TBC1D22A: variants seen among roughly 807,000 people sequenced by gnomAD.
TBC1D22A encodes TBC1 domain family member 22A.
TBC1D22A carries 38 observed loss-of-function variants against 60.2 expected under a neutral mutation model. The observed-to-expected ratio is 0.63, with a 90% CI of 0.49 to 0.83. The LOEUF (loss-of-function observed/expected upper bound fraction) is 0.83. TBC1D22A is among the 40% of genes least tolerant of loss of function. TBC1D22A has a pLI of 0.00. For missense variants in TBC1D22A, 628 were observed against 701.0 expected (o/e 0.90, Z 1.18); for synonymous variants, 302 against 281.7 (o/e 1.07, Z -0.72).
intron 11 of TBC1D22A, among the ~76,000 whole-genome samples, chr22:47,061,427 G>A (rs946327326): frequency 2.0e-5 from 3 of 151,992 alleles, no homozygotes; most frequent in Admixed American, 6.5e-5. Flanking sequence ...GTAGTCCCTC[G>A]AGAGGGGATG....
In TBC1D22A at chr22:47,055,906, G is replaced by A. The variant is rs142227109; in HGVS notation, c.1329+18708G>A. On this transcript the variant is annotated intron_variant, in intron 11 of 12. Transcript: ENST00000337137. ...ACGCCACTGAGGGTCGGTGAGATAC[G>A]CCACTGAGGGTTGGTGAGATACGCC... 4.0e-3 allele frequency among the ~76,000 whole-genome samples: 608 copies of A among 151,968 alleles called. 3 individuals carry two copies. Among genetic ancestry groups the A allele is most frequent in the Non-Finnish European group, 5.6e-3 (381 of 67,846 alleles).
intron 10 of TBC1D22A, among the ~76,000 whole-genome samples, chr22:47,015,655 G>A (rs1446263790): frequency 1.3e-5 from 2 of 152,174 alleles, no homozygotes; most frequent in Non-Finnish European, 1.5e-5. Flanking sequence ...GGCTGCTCCC[G>A]GACAGCAGCA....
At chr22:47,046,682 T>C (rs1425076268) in intron 11 of TBC1D22A, among the ~76,000 whole-genome samples, 1 of 152,196 alleles carries the variant, frequency 6.6e-6, no homozygotes, top group African/African-American at 2.4e-5. Flanking sequence ...CTGCCAGAGC[T>C]GCTGCTGTGA....
intron 11 of TBC1D22A, among the ~76,000 whole-genome samples, chr22:47,076,280 A>T (rs1432565568): frequency 6.6e-6 from 1 of 151,200 alleles, no homozygotes; most frequent in Non-Finnish European, 1.5e-5. Flanking sequence ...GGCCATAGCA[A>T]TTCTCAACAA....
intron 11 of TBC1D22A, among the ~76,000 whole-genome samples, chr22:47,050,277 TTACA>T (rs2063166249): frequency 6.6e-6 from 1 of 152,094 alleles, no homozygotes; most frequent in Non-Finnish European, 1.5e-5. Context: ...GGTGCTGGGA[TTACA>T]GACATGAGCC....
chr22:46,850,243 C>T (rs181810839), intron 4 of TBC1D22A, among the ~76,000 whole-genome samples: 2 of 152,228 alleles, frequency 1.3e-5, no homozygotes, highest in East Asian at 1.9e-4. Context: ...TGCTGTGTGC[C>T]GTGGGGTTGT....
At chr22:46,922,104 G>T (rs1284281264) in intron 8 of TBC1D22A, among the ~76,000 whole-genome samples, 1 of 152,126 alleles carries the variant, frequency 6.6e-6, no homozygotes, top group Non-Finnish European at 1.5e-5. Context: ...TCTGTGTATG[G>T]CTAACCAGTT....
chr22:46,883,837 C>T (rs2067973941), intron 5 of TBC1D22A, among the ~76,000 whole-genome samples: 1 of 152,232 alleles, frequency 6.6e-6, no homozygotes, highest in Non-Finnish European at 1.5e-5. Flanking sequence ...GGACACATTT[C>T]CCTGTGTCCT....
At chr22:47,065,509 T>TG (rs1323799517) in intron 11 of TBC1D22A, among the ~76,000 whole-genome samples, 1 of 93,840 alleles carries the variant, frequency 1.1e-5, no homozygotes, top group Non-Finnish European at 2.1e-5. Context: ...CTGCTTCTGT[T>TG]GGGGGGCAGG....
chr22:46,959,493 T>C (rs897661826), intron 8 of TBC1D22A, among the ~76,000 whole-genome samples: 2 of 152,202 alleles, frequency 1.3e-5, no homozygotes, highest in African/African-American at 4.8e-5. Flanking sequence ...GCTGTGACTT[T>C]TGTGGTCCCT....
intron 1 of TBC1D22A, among the ~76,000 whole-genome samples, chr22:46,771,772 T>C (rs140139407): frequency 2.9e-3 from 446 of 152,112 alleles, no homozygotes; most frequent in Non-Finnish European, 4.1e-3. Context: ...TTTTTGTATT[T>C]TTAGTAGAGA....
intron 12 of TBC1D22A, among the ~76,000 whole-genome samples, chr22:47,149,304 C>T (rs1380280833): frequency 6.6e-6 from 1 of 152,248 alleles, no homozygotes; most frequent in African/African-American, 2.4e-5. Context: ...TGCTCCGTGG[C>T]ATCCTGTGCG....
intron 5 of TBC1D22A, among the ~76,000 whole-genome samples, chr22:46,880,982 G>A (rs921461617): frequency 5.9e-5 from 9 of 152,156 alleles, no homozygotes; most frequent in African/African-American, 1.4e-4. Flanking sequence ...GGCATCTTAC[G>A]TGGCATCTCA....
At chr22:47,065,290 C>T (rs922566491) in intron 11 of TBC1D22A, among the ~76,000 whole-genome samples, 3 of 152,230 alleles carry the variant, frequency 2.0e-5, no homozygotes, top group African/African-American at 7.2e-5. Context: ...CCACCATGCC[C>T]GGCCTAAGGC....
intron 4 of TBC1D22A, among the ~76,000 whole-genome samples, chr22:46,876,302 C>T (rs769379702): frequency 5.3e-5 from 8 of 152,164 alleles, no homozygotes; most frequent in East Asian, 3.8e-4. Flanking sequence ...ACTTCATATC[C>T]GCACAAAAAG....
At chr22:46,856,022 A>T (rs2087550111) in intron 4 of TBC1D22A, among the ~76,000 whole-genome samples, 1 of 152,196 alleles carries the variant, frequency 6.6e-6, no homozygotes, top group Admixed American at 6.5e-5. Context: ...CACAGAAGGA[A>T]AGTGGACAGA....
intron 8 of TBC1D22A, among the ~76,000 whole-genome samples, chr22:46,945,364 G>A (rs757795287): frequency 1.3e-5 from 2 of 152,182 alleles, no homozygotes; most frequent in East Asian, 3.8e-4. Context: ...TGGTGGAGGC[G>A]GCAGCTGACG....
chr22:47,063,515 G>T (rs2063652433), intron 11 of TBC1D22A, among the ~76,000 whole-genome samples: 1 of 152,148 alleles, frequency 6.6e-6, no homozygotes, highest in Admixed American at 6.5e-5. Context: ...ACAAGGCCTG[G>T]GTACTACCAG....
chr22:46,913,239 G>A (rs905304397), intron 8 of TBC1D22A: 3 of 891,092 alleles, frequency 3.4e-6, no homozygotes, highest in Middle Eastern at 2.6e-4. Flanking sequence ...GGACTTTACT[G>A]TTTAGTCACA....
Sources: gnomAD v4.1 joint callset for allele counts (sites outside exome capture counted in the v4.1 genomes callset) on GRCh38, gnomAD v4.1.1 for gene constraint, MANE v1.5 for transcripts, NCBI Gene and HGNC (gene_info 2026-07-23, HGNC 2026-07-21) for gene names.